SPTLC2: variants seen among roughly 807,000 people sequenced by gnomAD.
SPTLC2 encodes serine palmitoyltransferase 2.
Under a neutral mutation model 62.0 loss-of-function variants are expected in SPTLC2, and 21 were observed. That is an observed-to-expected ratio of 0.34 (90% CI 0.24 to 0.49). The LOEUF (loss-of-function observed/expected upper bound fraction) is 0.49. SPTLC2 is among the 20% of genes least tolerant of loss of function. The pLI, the probability that SPTLC2 is intolerant of heterozygous loss-of-function variation, is 0.99. For missense variants in SPTLC2, 511 were observed against 713.0 expected, an observed-to-expected ratio of 0.72 and a Z score of 3.23; for synonymous variants, 261 against 261.8, an observed-to-expected ratio of 1.00 and a Z score of 0.03.
chr14:77,546,972 C>T (rs1435666059), intron 9 of SPTLC2, among the ~76,000 whole-genome samples: 3 of 152,090 alleles, frequency 2.0e-5, no homozygotes, highest in Non-Finnish European at 4.4e-5. Context: ...TCAGGTGATC[C>T]GCCTGCCTTG....
At chr14:77,597,126 A>C in intron 2 of SPTLC2, 60 bp downstream of exon 2, 2 of 1,554,352 alleles carry the variant, frequency 1.3e-6, no homozygotes, top group Admixed American at 3.8e-5. Flanking sequence ...TTTGTGCAAA[A>C]ATACTAAGAT....
At chr14:77,557,525 G>A (rs551566762) in intron 6 of SPTLC2, among the ~76,000 whole-genome samples, 3 of 152,226 alleles carry the variant, frequency 2.0e-5, no homozygotes, top group Non-Finnish European at 4.4e-5. Flanking sequence ...AAATAAATGC[G>A]TAAAAAAGAC....
At chr14:77,581,514 G>A (rs1343127543) in intron 2 of SPTLC2, among the ~76,000 whole-genome samples, 4 of 145,244 alleles carry the variant, frequency 2.8e-5, no homozygotes, top group Admixed American at 7.4e-5. Flanking sequence ...AGGTTCAAGC[G>A]ACTCTCCTGC....
At chr14:77,553,331 A>T (rs1406898837) in intron 8 of SPTLC2, among the ~76,000 whole-genome samples, 4 of 152,176 alleles carry the variant, frequency 2.6e-5, no homozygotes, top group African/African-American at 4.8e-5. Context: ...GATCTCCCAG[A>T]GTATTATTTT....
chr14:77,553,341 T>G (rs571428926), intron 8 of SPTLC2, among the ~76,000 whole-genome samples: 354 of 152,298 alleles, frequency 2.3e-3, no homozygotes, highest in African/African-American at 8.2e-3. Context: ...AGTATTATTT[T>G]TCTATCCTTT....
chr14:77,603,710 T>C lies in SPTLC2; in HGVS notation c.133-6330A>G, dbSNP rs183681519. On this transcript the variant is annotated intron_variant, in intron 1 of 11. Coordinates refer to ENST00000216484, the MANE Select transcript of SPTLC2 (RefSeq NM_004863.4). ...ATATTTTGACATTACCATTTTGCTATTGAAAACCCCCAAAAGGAGATCTTC... is the reference window on the plus strand; with the variant it reads ...ATATTTTGACATTACCATTTTGCTACTGAAAACCCCCAAAAGGAGATCTTC... Among the ~76,000 whole-genome samples, 9 of 152,352 alleles carry C rather than the reference T, an allele frequency of 5.9e-5. No individual in the cohort carries two copies. In the East Asian group the frequency reaches 1.3e-3, roughly 23 times the overall value.
At chr14:77,568,684 T>A (rs1194303734) in intron 5 of SPTLC2, among the ~76,000 whole-genome samples, 1 of 151,682 alleles carries the variant, frequency 6.6e-6, no homozygotes, top group East Asian at 1.9e-4. Flanking sequence ...GGTGGGCGCC[T>A]GTAGTCCCAG....
chr14:77,547,583 A>G (rs1461658178), intron 9 of SPTLC2: 1 of 152,282 alleles, frequency 6.6e-6, no homozygotes, highest in Non-Finnish European at 1.5e-5. Flanking sequence ...AGGTCTCGCT[A>G]TGTTGCCCAG....
intron 4 of SPTLC2, among the ~76,000 whole-genome samples, chr14:77,573,337 G>C (rs1278682678): frequency 6.6e-6 from 1 of 152,112 alleles, no homozygotes; most frequent in Non-Finnish European, 1.5e-5. Context: ...GAGAGGACTT[G>C]ATGATCCCAA....
intron 8 of SPTLC2, 22 bp from the exon 9 acceptor site, chr14:77,552,244 A>G (rs376802085): frequency 1.2e-6 from 2 of 1,613,768 alleles, no homozygotes; most frequent in Non-Finnish European, 1.7e-6. Flanking sequence ...ACAGAGGCAG[A>G]TAAGTAGAGA....
chr14:77,509,564 C>G lies in SPTLC2; in HGVS notation c.*2720G>C. 4.0e-6 allele frequency: 1 copy of G among 248,056 alleles called. No homozygotes were observed. The allele number at this position is 248,056 out of a possible 1,614,324, so 15.4% of individuals were successfully genotyped here. ...TAACCGGTATCTGTTTGAATCCTAT[C>G]AGAGTCTTGAATCAGGCCGTGTTAA... On this transcript the variant is annotated 3_prime_UTR_variant, in exon 12 of 12. Coordinates refer to ENST00000216484, the MANE Select transcript of SPTLC2 (RefSeq NM_004863.4).
intron 5 of SPTLC2, among the ~76,000 whole-genome samples, chr14:77,569,667 G>A (rs2079666149): frequency 6.7e-6 from 1 of 150,128 alleles, no homozygotes; most frequent in South Asian, 2.1e-4. Context: ...ACCTCAAGGG[G>A]CCTTTCAGGA....
intron 1 of SPTLC2, among the ~76,000 whole-genome samples, chr14:77,601,249 C>T (rs1423586268): frequency 6.6e-6 from 1 of 152,098 alleles, no homozygotes; most frequent in East Asian, 1.9e-4. Context: ...ATGAAAATAG[C>T]CTTAACTGAT....
At chr14:77,585,588 CTCAG>C (rs1180453213) in intron 2 of SPTLC2, among the ~76,000 whole-genome samples, 8 of 152,154 alleles carry the variant, frequency 5.3e-5, no homozygotes, top group Admixed American at 1.3e-4. Flanking sequence ...TTAGAACTGT[CTCAG>C]TGTCTTCTCA....
At chr14:77,526,154 T>C (rs920793141) in intron 9 of SPTLC2, among the ~76,000 whole-genome samples, 104 of 152,278 alleles carry the variant, frequency 6.8e-4, no homozygotes, top group African/African-American at 2.4e-3. Flanking sequence ...AAAGTGAAAC[T>C]GAATCTTAAC....
intron 5 of SPTLC2, among the ~76,000 whole-genome samples, chr14:77,569,202 G>A (rs2079663640): frequency 6.6e-6 from 1 of 151,786 alleles, no homozygotes; most frequent in Non-Finnish European, 1.5e-5. Flanking sequence ...ATTATTATTT[G>A]CATGCTGTAT....
At chr14:77,582,506 A>C (rs1399615633) in intron 2 of SPTLC2, among the ~76,000 whole-genome samples, 1 of 152,236 alleles carries the variant, frequency 6.6e-6, no homozygotes, top group Non-Finnish European at 1.5e-5. Context: ...AAAACCTTAG[A>C]GTCTGCTCCA....
chr14:77,605,787 C>G (rs2267746), intron 1 of SPTLC2, among the ~76,000 whole-genome samples: 67,565 of 152,036 alleles, frequency 0.44, 15,316 homozygotes, highest in East Asian at 0.64. Context: ...AACTAGAAAA[C>G]CAAAGTGAAA....
chr14:77,536,226 T>C (rs903164071), intron 9 of SPTLC2, among the ~76,000 whole-genome samples: 2 of 152,220 alleles, frequency 1.3e-5, no homozygotes, highest in Non-Finnish European at 2.9e-5. Flanking sequence ...GTGGTGATGG[T>C]TGCACAGCAC....
Sources: allele counts gnomAD v4.1 joint callset (sites outside exome capture counted in the v4.1 genomes callset), GRCh38; gene constraint gnomAD v4.1.1; transcripts MANE v1.5; gene names NCBI Gene and HGNC (gene_info 2026-07-23, HGNC 2026-07-21).